The following KCNH8 variants were observed in gnomAD, a reference collection of about 807,000 sequenced individuals.
The protein encoded by KCNH8 is potassium voltage-gated channel subfamily H member 8, also known as voltage-gated delayed rectifier potassium channel KCNH8.
A neutral mutation model predicts 103.6 loss-of-function variants in KCNH8; 70 were observed. The observed-to-expected ratio is 0.68, with a 90% CI of 0.56 to 0.82. KCNH8 has a LOEUF of 0.82. Ranked by LOEUF, KCNH8 falls within the 40% of genes least tolerant of loss-of-function variation. The pLI is 0.00. For synonymous variants in KCNH8, 498 were observed against 489.4 expected (o/e 1.02, Z -0.23); for missense variants, 1,217 against 1,329.9 (o/e 0.92, Z 1.32).
At chr3:19,399,021 A>C (rs1017014515) in intron 7 of KCNH8, among the ~76,000 whole-genome samples, 1 of 152,024 alleles carries the variant, frequency 6.6e-6, no homozygotes, top group Non-Finnish European at 1.5e-5. Flanking sequence ...AAAAATGTTT[A>C]CATAGGCTCA....
At chr3:19,351,031 A>AG (rs2065794328) in intron 5 of KCNH8, among the ~76,000 whole-genome samples, 1 of 152,116 alleles carries the variant, frequency 6.6e-6, no homozygotes, top group African/African-American at 2.4e-5. Context: ...AGCATAGAGA[A>AG]GACCTTAAAT....
At chr3:19,194,520 G>A (rs145446930) in intron 1 of KCNH8, among the ~76,000 whole-genome samples, 1 of 151,748 alleles carries the variant, frequency 6.6e-6, no homozygotes, top group Non-Finnish European at 1.5e-5. Context: ...ACCTATTATA[G>A]GGCTAGGACA....
At chr3:19,158,246 G>A (rs1160765670) in intron 1 of KCNH8, among the ~76,000 whole-genome samples, 2 of 151,372 alleles carry the variant, frequency 1.3e-5, no homozygotes, top group Non-Finnish European at 3.0e-5. Context: ...AGTTTGAAAT[G>A]TCTAGTTTAT....
intron 1 of KCNH8, among the ~76,000 whole-genome samples, chr3:19,249,327 C>T (rs1014865956): frequency 1.3e-5 from 2 of 152,174 alleles, no homozygotes; most frequent in African/African-American, 4.8e-5. Context: ...ATACAGGGAC[C>T]ATTCATGTAG....
At chr3:19,185,813 C>CTT (rs1706091453) in intron 1 of KCNH8, among the ~76,000 whole-genome samples, 1 of 151,844 alleles carries the variant, frequency 6.6e-6, no homozygotes, top group Non-Finnish European at 1.5e-5. Flanking sequence ...AAGCAATGGT[C>CTT]TTATATTTAC....
intron 3 of KCNH8, among the ~76,000 whole-genome samples, chr3:19,334,565 CT>C (rs911160320): frequency 1.3e-5 from 2 of 151,422 alleles, no homozygotes; most frequent in East Asian, 3.9e-4. Context: ...GAGTCACAGG[CT>C]TTTTTTTAAT....
At chr3:19,261,465 G>C (rs2064434881) in intron 2 of KCNH8, among the ~76,000 whole-genome samples, 1 of 151,720 alleles carries the variant, frequency 6.6e-6, no homozygotes, top group Non-Finnish European at 1.5e-5. Flanking sequence ...CCATTGAGTT[G>C]TACATGTTCT....
chr3:19,488,056 G>A (rs939303381), intron 11 of KCNH8, among the ~76,000 whole-genome samples: 1 of 152,106 alleles, frequency 6.6e-6, no homozygotes, highest in Non-Finnish European at 1.5e-5. Context: ...CAGGCTCCTT[G>A]GGGGCGCTTC....
rs1036379605 is a variant in KCNH8 at position 19,450,898 on chromosome 3, T to A, written c.1576-257T>A. 15 of 450,130 alleles carry A rather than the reference T, an allele frequency of 3.3e-5. No individual in the cohort carries two copies. In the East Asian group the frequency reaches 6.5e-4, roughly 20 times the overall value. 27.9% of individuals were successfully genotyped at this position (450,130 alleles called of 1,614,324 possible). On this transcript the variant is annotated intron_variant, in intron 9 of 15. Transcript: ENST00000328405. ...TCTGTGAGAAGGAAGTCACAATGAG[T>A]TATATGTTTTCCTGCTAGAGGCTTT...
intron 1 of KCNH8, among the ~76,000 whole-genome samples, chr3:19,235,733 A>G (rs2064056704): frequency 6.6e-6 from 1 of 152,224 alleles, no homozygotes; most frequent in African/African-American, 2.4e-5. Flanking sequence ...TTTTAATGCC[A>G]TCAGAGGGTC....
chr3:19,270,153 A>G (rs2064567897), intron 2 of KCNH8, among the ~76,000 whole-genome samples: 1 of 152,122 alleles, frequency 6.6e-6, no homozygotes, highest in South Asian at 2.1e-4. Flanking sequence ...AAGTTTTACT[A>G]TGCTCATTTT....
intron 3 of KCNH8, among the ~76,000 whole-genome samples, chr3:19,313,007 A>G (rs2065225754): frequency 6.8e-6 from 1 of 147,214 alleles, no homozygotes; most frequent in East Asian, 2.0e-4. Context: ...AGTTTTCTCC[A>G]TAACTGCTAT....
intron 9 of KCNH8, 23 bp from the exon 10 acceptor site, chr3:19,451,132 T>C (rs765844168): frequency 6.2e-7 from 1 of 1,612,316 alleles, no homozygotes; most frequent in Non-Finnish European, 8.5e-7. Context: ...CAATTTGATT[T>C]CCTCCTTCAT....
chr3:19,307,602 C>T (rs1020470917), intron 3 of KCNH8, among the ~76,000 whole-genome samples: 1 of 151,824 alleles, frequency 6.6e-6, no homozygotes, highest in African/African-American at 2.4e-5. Flanking sequence ...GTGTTTATTG[C>T]CGTAGTATTC....
At chr3:19,194,550 A>G (rs1180258856) in intron 1 of KCNH8, among the ~76,000 whole-genome samples, 12 of 151,974 alleles carry the variant, frequency 7.9e-5, no homozygotes, top group Non-Finnish European at 4.4e-5. Context: ...CAAATAGTAC[A>G]GTTTCTCCAT....
intron 6 of KCNH8, chr3:19,391,846 T>C (rs2066442319): frequency 1.3e-5 from 2 of 151,948 alleles, no homozygotes; most frequent in Non-Finnish European, 2.9e-5. Flanking sequence ...ACTAGATAAG[T>C]GTACCATCAT....
intron 5 of KCNH8, among the ~76,000 whole-genome samples, chr3:19,369,310 C>G (rs1197352354): frequency 6.6e-6 from 1 of 151,884 alleles, no homozygotes; most frequent in Non-Finnish European, 1.5e-5. Context: ...GTGACCCCTC[C>G]TCTCTTCCTT....
chr3:19,277,175 CTG>C (rs1216863426), intron 2 of KCNH8, among the ~76,000 whole-genome samples: 3 of 151,934 alleles, frequency 2.0e-5, no homozygotes, highest in Non-Finnish European at 4.4e-5. Context: ...AGAGGGTAGA[CTG>C]TTGGTTACCC....
chr3:19,519,455 G>C (rs574348409), intron 15 of KCNH8, among the ~76,000 whole-genome samples: 21 of 151,210 alleles, frequency 1.4e-4, no homozygotes, highest in Non-Finnish European at 1.9e-4. Flanking sequence ...GCTTCGTGGA[G>C]ATTTATGTTT....
Sources: allele counts gnomAD v4.1 joint callset (sites outside exome capture counted in the v4.1 genomes callset), GRCh38; gene constraint gnomAD v4.1.1; transcripts MANE v1.5; gene names NCBI Gene and HGNC (gene_info 2026-07-23, HGNC 2026-07-21).